The following DLG2 variants were observed in gnomAD, a reference collection of about 807,000 sequenced individuals.
The protein encoded by DLG2 is discs large MAGUK scaffold protein 2, also known as disks large homolog 2.
In DLG2, 45 loss-of-function variants were observed where a neutral mutation model predicts 132.5. That is an observed-to-expected ratio of 0.34 (90% CI 0.27 to 0.44). The LOEUF (loss-of-function observed/expected upper bound fraction) is 0.44. Ranked by LOEUF, DLG2 falls within the 20% of genes least tolerant of loss-of-function variation. DLG2 has a pLI of 1.00. For synonymous variants in DLG2, 424 were observed against 419.6 expected (o/e 1.01, Z -0.13); for missense variants, 1,045 against 1,196.9 (o/e 0.87, Z 1.87).
chr11:84,287,376 G>T (rs2097920035), intron 7 of DLG2, among the ~76,000 whole-genome samples: 1 of 152,116 alleles, frequency 6.6e-6, no homozygotes, highest in African/African-American at 2.4e-5. Flanking sequence ...GTTGGACTGT[G>T]CCTGTGATTA....
intron 7 of DLG2, among the ~76,000 whole-genome samples, chr11:84,517,053 T>A (rs2099275739): frequency 1.0e-5 from 1 of 97,926 alleles, no homozygotes; most frequent in African/African-American, 3.2e-5. Flanking sequence ...ATAAATATTC[T>A]ATCCTAAAAA....
At chr11:85,058,778 G>T (rs2063722892) in intron 6 of DLG2, among the ~76,000 whole-genome samples, 1 of 151,354 alleles carries the variant, frequency 6.6e-6, no homozygotes, top group Admixed American at 6.6e-5. Context: ...TGGGGGAAAA[G>T]GTGTTCTTAT....
chr11:84,283,539 G>A (rs868833975), intron 7 of DLG2, among the ~76,000 whole-genome samples: 3 of 152,092 alleles, frequency 2.0e-5, no homozygotes, highest in African/African-American at 7.2e-5. Context: ...ACATCTTTTG[G>A]TTATTAGTCC....
intron 6 of DLG2, among the ~76,000 whole-genome samples, chr11:84,649,338 A>G (rs1252267808): frequency 1.3e-5 from 2 of 152,220 alleles, no homozygotes; most frequent in Non-Finnish European, 2.9e-5. Flanking sequence ...GACCATTAAA[A>G]TGAACTATGA....
chr11:84,684,063 A>C (rs60049596), intron 6 of DLG2, among the ~76,000 whole-genome samples: 3,876 of 152,266 alleles, frequency 0.025, 169 homozygotes, highest in African/African-American at 0.088. Flanking sequence ...TTGCCTCATG[A>C]ATAAAAAATG....
At chr11:84,176,185 ATG>A (rs925116873) in intron 8 of DLG2, among the ~76,000 whole-genome samples, 11 of 151,950 alleles carry the variant, frequency 7.2e-5, no homozygotes, top group Admixed American at 2.6e-4. Flanking sequence ...ATGTACATAC[ATG>A]CCACACTGGT....
chr11:85,473,942 C>T (rs375141056), intron 3 of DLG2, among the ~76,000 whole-genome samples: 2 of 151,602 alleles, frequency 1.3e-5, no homozygotes, highest in East Asian at 3.9e-4. Context: ...AAATAAAAAC[C>T]ACAAAAGACG....
At chr11:85,174,205 G>C (rs948035127) in intron 4 of DLG2, among the ~76,000 whole-genome samples, 1 of 152,096 alleles carries the variant, frequency 6.6e-6, no homozygotes, top group African/African-American at 2.4e-5. Context: ...CTCCAAAATT[G>C]ATCACATAAA....
intron 5 of DLG2, among the ~76,000 whole-genome samples, chr11:85,114,217 C>T (rs1203939118): frequency 6.6e-6 from 1 of 151,940 alleles, no homozygotes; most frequent in Non-Finnish European, 1.5e-5. Context: ...TACACTGTGG[C>T]ATAACAGAGT....
chr11:84,721,911 A>C (rs1043858439), intron 6 of DLG2, among the ~76,000 whole-genome samples: 1 of 152,248 alleles, frequency 6.6e-6, no homozygotes, highest in Non-Finnish European at 1.5e-5. Context: ...GCCCCAGTAC[A>C]TGGTAGCTGC....
At chr11:84,912,261 T>C (rs1306685408) in intron 6 of DLG2, among the ~76,000 whole-genome samples, 1 of 152,210 alleles carries the variant, frequency 6.6e-6, no homozygotes, top group Non-Finnish European at 1.5e-5. Flanking sequence ...GTTCACGCCA[T>C]TCTCCTGCCT....
intron 15 of DLG2, among the ~76,000 whole-genome samples, chr11:83,927,953 T>C (rs1317707776): frequency 6.6e-6 from 1 of 151,996 alleles, no homozygotes; most frequent in Admixed American, 6.6e-5. Context: ...AACAATGCGG[T>C]AGATGTGTGT....
At chr11:84,846,263 T>G (rs1207220266) in intron 6 of DLG2, among the ~76,000 whole-genome samples, 4 of 152,132 alleles carry the variant, frequency 2.6e-5, no homozygotes, top group African/African-American at 9.7e-5. Context: ...GTCTAACATA[T>G]CTCTTAAACT....
intron 6 of DLG2, chr11:84,761,994 C>T (rs1250773479): frequency 6.6e-6 from 1 of 152,012 alleles, no homozygotes; most frequent in Non-Finnish European, 1.5e-5. Context: ...TCTTGAGTCC[C>T]ATCATTCACA....
chr11:85,610,349 T>C (rs2080901333), intron 2 of DLG2, among the ~76,000 whole-genome samples: 1 of 152,182 alleles, frequency 6.6e-6, no homozygotes, highest in Admixed American at 6.5e-5. Context: ...TTCCTCTATA[T>C]CCAGTTGTAC....
At chr11:84,205,483 T>C (rs936226583) in intron 8 of DLG2, among the ~76,000 whole-genome samples, 10 of 151,656 alleles carry the variant, frequency 6.6e-5, no homozygotes, top group African/African-American at 2.2e-4. Flanking sequence ...CACTGGGCCA[T>C]AAAACAAATC....
chr11:83,890,037 C>A (rs1420651075), intron 15 of DLG2, among the ~76,000 whole-genome samples: 2 of 151,858 alleles, frequency 1.3e-5, no homozygotes, highest in Non-Finnish European at 2.9e-5. Context: ...GTGCAGCATA[C>A]CAGCATGGCA....
chr11:84,377,597 A>G, intron 7 of DLG2, among the ~76,000 whole-genome samples: 1 of 152,216 alleles, frequency 6.6e-6, no homozygotes, highest in East Asian at 1.9e-4. Flanking sequence ...TAAAAACATA[A>G]AAAGAAAGAA....
chr11:84,698,942 C>T lies in DLG2; in HGVS notation c.358-164211G>A, dbSNP rs1011261630. Among the ~76,000 whole-genome samples the T allele has an allele frequency of 5.9e-5, 9 of 151,582 alleles. No individual in the cohort carries two copies. In the East Asian group the frequency reaches 7.8e-4, roughly 13 times the overall value. ...ATGAAATAGTCATCAATCTTCACTG[C>T]GTTGCTATTTTTAAAACTCAGAATT... On this transcript the variant is annotated intron_variant, in intron 6 of 27. Transcript: ENST00000376104.
Sources: gnomAD v4.1 joint callset for allele counts (sites outside exome capture counted in the v4.1 genomes callset) on GRCh38, gnomAD v4.1.1 for gene constraint, MANE v1.5 for transcripts, NCBI Gene and HGNC (gene_info 2026-07-23, HGNC 2026-07-21) for gene names.